SLIT2: variants seen among roughly 807,000 people sequenced by gnomAD.
SLIT2 encodes slit guidance ligand 2.
Under a neutral mutation model 185.7 loss-of-function variants are expected in SLIT2, and 41 were observed. That is an observed-to-expected ratio of 0.22 (90% confidence interval 0.17 to 0.29). The LOEUF (loss-of-function observed/expected upper bound fraction) is 0.29. Among genes scored for constraint, SLIT2 ranks in the 10% least tolerant of loss-of-function variants. SLIT2 has a pLI of 1.00. For synonymous variants in SLIT2, 693 were observed against 680.2 expected, an observed-to-expected ratio of 1.02 and a Z score of -0.29; for missense variants, 1,571 against 1,909.0, an observed-to-expected ratio of 0.82 and a Z score of 3.30.
intron 4 of SLIT2, among the ~76,000 whole-genome samples, chr4:20,333,204 GA>G (rs971909572): frequency 2.7e-4 from 41 of 152,094 alleles, no homozygotes; most frequent in African/African-American, 8.0e-4. Context: ...TCTTCTGGGG[GA>G]AAAAAATTCA....
At chr4:20,318,935 T>A (rs1208598074) in intron 4 of SLIT2, among the ~76,000 whole-genome samples, 5 of 152,184 alleles carry the variant, frequency 3.3e-5, no homozygotes, top group East Asian at 1.9e-4. Context: ...TAAGTTAAGA[T>A]GTTCCTTAGA....
intron 4 of SLIT2, among the ~76,000 whole-genome samples, chr4:20,332,891 T>C (rs1431616639): frequency 1.3e-5 from 2 of 152,064 alleles, no homozygotes; most frequent in Non-Finnish European, 2.9e-5. Flanking sequence ...TGAGACATAT[T>C]TTAGGGGCAG....
intron 22 of SLIT2, among the ~76,000 whole-genome samples, chr4:20,547,102 G>T (rs981879281): frequency 5.9e-5 from 9 of 152,052 alleles, no homozygotes; most frequent in African/African-American, 2.2e-4. Flanking sequence ...CACTTTCCTT[G>T]AAAGTATGGG....
chr4:20,538,960 C>T (rs1357729721), intron 18 of SLIT2, among the ~76,000 whole-genome samples: 1 of 152,078 alleles, frequency 6.6e-6, no homozygotes, highest in Non-Finnish European at 1.5e-5. Flanking sequence ...CGCCCCTGGA[C>T]CATGTTTGAC....
intron 18 of SLIT2, among the ~76,000 whole-genome samples, chr4:20,538,897 T>A (rs1261704511): frequency 6.6e-6 from 1 of 152,164 alleles, no homozygotes; most frequent in African/African-American, 2.4e-5. Context: ...ATGAGCTAAT[T>A]TTCATAAATA....
At chr4:20,561,595 A>G (rs1350022895) in intron 26 of SLIT2, among the ~76,000 whole-genome samples, 6 of 151,854 alleles carry the variant, frequency 4.0e-5, no homozygotes, top group African/African-American at 1.4e-4. Flanking sequence ...CATTATTTAG[A>G]ATAATAATTA....
At position 20,322,813 on chromosome 4, in the gene SLIT2, A is replaced by G. The variant is rs1719216125; in HGVS notation, c.395+53932A>G. Among the ~76,000 whole-genome samples the G allele has an allele frequency of 2.6e-5, 4 of 152,250 alleles. No homozygotes were observed. In the South Asian group the frequency reaches 8.3e-4, roughly 32 times the overall value. ...TTTATAGGTTTCGGTGATGAATTTC[A>G]GGACTACAGAGACTAATGGTATTGA... On this transcript the variant is annotated intron_variant, in intron 4 of 36. Transcript: ENST00000504154.
intron 4 of SLIT2, among the ~76,000 whole-genome samples, chr4:20,410,476 G>A (rs1179477012): frequency 6.0e-5 from 9 of 150,986 alleles, no homozygotes; most frequent in African/African-American, 1.9e-4. Context: ...GGCTGGTCTC[G>A]AACTCCTGAC....
chr4:20,493,631 G>T (rs770645862), intron 9 of SLIT2, among the ~76,000 whole-genome samples: 6 of 152,156 alleles, frequency 3.9e-5, no homozygotes, highest in Non-Finnish European at 8.8e-5. Flanking sequence ...GGAACCCCAG[G>T]TTTACCTATC....
chr4:20,485,636 C>G (rs532865745), intron 6 of SLIT2, among the ~76,000 whole-genome samples: 22 of 152,284 alleles, frequency 1.4e-4, no homozygotes, highest in Admixed American at 6.5e-5. Context: ...TTCATCCCCA[C>G]CTGGTGCAAG....
rs753261336 is a variant in SLIT2, at chr4:20,528,272, G to T, written c.1463-677G>T. ...TCTTACCTTTGGCCTAGTGGTTGGT[G>T]TAGTGATAATGTAGCGAGATTTTCT... On this transcript the variant is annotated intron_variant, in intron 15 of 36. Coordinates refer to ENST00000504154, the MANE Select transcript of SLIT2 (RefSeq NM_004787.4). The surrounding 1 kb of genome is among the most constrained non-coding windows in gnomAD (Gnocchi z 4.2). 2 of 534,696 alleles carry T rather than the reference G, an allele frequency of 3.7e-6. No individual in the cohort carries two copies. The highest frequency in any genetic ancestry group is 7.7e-6 in the Non-Finnish European group (2 of 260,078). 33.1% of individuals were successfully genotyped at this position (534,696 alleles called of 1,614,324 possible).
rs762369173 is a variant in SLIT2 at position 20,567,992 on chromosome 4, G to A, written c.2948+377G>A. 2.0e-5 allele frequency among the ~76,000 whole-genome samples: 3 copies of A among 152,168 alleles called. No individual in the cohort carries two copies. In the Middle Eastern group the frequency reaches 0.01, roughly 518 times the overall value. ...TTTGCTTATTGCTTTAACAGACAGTGTGTAATGACAAGATATAGGTCCCAC... is the reference window on the plus strand; with the variant it reads ...TTTGCTTATTGCTTTAACAGACAGTATGTAATGACAAGATATAGGTCCCAC... On this transcript the variant is annotated intron_variant, in intron 28 of 36. Coordinates refer to ENST00000504154, the MANE Select transcript of SLIT2 (RefSeq NM_004787.4).
At chr4:20,412,550 G>A (rs557749060) in intron 4 of SLIT2, among the ~76,000 whole-genome samples, 1 of 152,154 alleles carries the variant, frequency 6.6e-6, no homozygotes, top group Non-Finnish European at 1.5e-5. Flanking sequence ...AACTAACAGA[G>A]TAGATAGGCA....
chr4:20,514,227 T>C (rs4696958), intron 11 of SLIT2, among the ~76,000 whole-genome samples: 137,982 of 152,280 alleles, frequency 0.91, 62,680 homozygotes, highest in East Asian at 0.99. Context: ...TAATACCATG[T>C]CTTTCTAGAA....
At chr4:20,318,839 A>G (rs906096314) in intron 4 of SLIT2, among the ~76,000 whole-genome samples, 1 of 152,212 alleles carries the variant, frequency 6.6e-6, no homozygotes, top group African/African-American at 2.4e-5. Flanking sequence ...TTGAGAACAC[A>G]TTTCCACTTA....
At chr4:20,507,580 ATC>A (rs985553725) in intron 9 of SLIT2, among the ~76,000 whole-genome samples, 1 of 151,780 alleles carries the variant, frequency 6.6e-6, no homozygotes, top group Non-Finnish European at 1.5e-5. Context: ...ATGTATGAAC[ATC>A]TCTGTTTTTT....
At chr4:20,556,632 G>T (rs1046647191) in intron 26 of SLIT2, among the ~76,000 whole-genome samples, 2 of 151,878 alleles carry the variant, frequency 1.3e-5, no homozygotes, top group Non-Finnish European at 2.9e-5. Context: ...CAACAATACT[G>T]AAATTAGGCC....
intron 36 of SLIT2, among the ~76,000 whole-genome samples, chr4:20,618,311 A>C (rs1729838496): frequency 6.6e-6 from 1 of 152,218 alleles, no homozygotes; most frequent in African/African-American, 2.4e-5. Context: ...TTTGAACTAC[A>C]TACTTCATAC....
chr4:20,611,236 AC>A (rs898186310), intron 34 of SLIT2, among the ~76,000 whole-genome samples: 2 of 152,172 alleles, frequency 1.3e-5, no homozygotes, highest in Non-Finnish European at 2.9e-5. Flanking sequence ...CATTATCTCA[AC>A]CACTCAAAGC....
Sources: allele counts gnomAD v4.1 joint callset (sites outside exome capture counted in the v4.1 genomes callset), GRCh38; gene constraint gnomAD v4.1.1; non-coding constraint Gnocchi (gnomAD v3.1); transcripts MANE v1.5; gene names NCBI Gene and HGNC (gene_info 2026-07-23, HGNC 2026-07-21).